CARHSP1: variants seen among roughly 807,000 people sequenced by gnomAD.
CARHSP1 encodes the protein calcium regulated heat stable protein 1.
Under a neutral mutation model 12.5 loss-of-function variants are expected in CARHSP1, and 14 were observed. The ratio of observed to expected loss-of-function variants is 1.12; its 90% CI spans 0.74 to 1.75. The LOEUF (loss-of-function observed/expected upper bound fraction) is 1.75, where lower values mean the gene tolerates loss of function less well. Ranked by LOEUF, CARHSP1 falls within the 40% of genes most tolerant of loss-of-function variation. The pLI is 0.00. For synonymous variants in CARHSP1, 161 were observed against 82.0 expected (o/e 1.96, Z -5.20); for missense variants, 343 against 201.6 (o/e 1.70, Z -4.25).
chr16:8,862,966 C>A (rs2061392544), intron 1 of CARHSP1, among the ~76,000 whole-genome samples: 1 of 152,110 alleles, frequency 6.6e-6, no homozygotes. Context: ...TGCACCCAAT[C>A]CTTCAGAGAT....
At chr16:8,865,094 AT>A (rs1449876203) in intron 1 of CARHSP1, among the ~76,000 whole-genome samples, 1 of 152,176 alleles carries the variant, frequency 6.6e-6, no homozygotes, top group Non-Finnish European at 1.5e-5. Flanking sequence ...GAGGGAGCTC[AT>A]TGAAGGAGAC....
intron 1 of CARHSP1, chr16:8,859,882 C>CATGAGAATT (rs2061293104): frequency 6.5e-6 from 1 of 152,688 alleles, no homozygotes; most frequent in Non-Finnish European, 1.5e-5. Flanking sequence ...AAGGCTGAGG[C>CATGAGAATT]ATGAGAATTG....
rs1201187044 is a variant in CARHSP1 at position 8,857,287 on chromosome 16, T to G, written c.281+1063A>C. Among the ~76,000 whole-genome samples, 73 of 123,984 alleles carry G rather than the reference T, an allele frequency of 5.9e-4. 5 individuals are homozygous for G. The highest frequency in any genetic ancestry group is 1.9e-3 in the African/African-American group (58 of 29,984). 81.3% of individuals were successfully genotyped at this position (123,984 alleles called of 152,430 possible). On this transcript the variant is annotated intron_variant, in intron 3 of 3. Coordinates refer to ENST00000311052, the MANE Select transcript of CARHSP1 (RefSeq NM_014316.4). The stretch of plus-strand genomic sequence containing the variant: ...TGTTTTTTTTTTTTTTTTTTTTTTT[T>G]TTTTTTTTTTTTGAGATGGAGTTTT...
At chr16:8,858,592 C>G in intron 2 of CARHSP1, 120 bp from the exon 3 acceptor site, 1 of 1,261,404 alleles carries the variant, frequency 7.9e-7, no homozygotes, top group Non-Finnish European at 1.1e-6. Context: ...CATGTACAGT[C>G]ACACAGGCTG....
intron 1 of CARHSP1, among the ~76,000 whole-genome samples, chr16:8,865,675 G>A (rs1596329777): frequency 1.3e-5 from 2 of 152,170 alleles, no homozygotes; most frequent in South Asian, 2.1e-4. Flanking sequence ...TATGGGGATG[G>A]GGCAGGCTGT....
intron 1 of CARHSP1, chr16:8,861,773 C>A (rs375441006): frequency 7.8e-7 from 1 of 1,275,394 alleles, no homozygotes; most frequent in Non-Finnish European, 1.0e-6. Context: ...CCAGGGCCCC[C>A]GCATGACCTA....
intron 3 of CARHSP1, among the ~76,000 whole-genome samples, chr16:8,856,323 G>A (rs1259872801): frequency 1.3e-5 from 2 of 152,160 alleles, no homozygotes; most frequent in Non-Finnish European, 2.9e-5. Flanking sequence ...AGCTCCCCTA[G>A]TAACTGGTTT....
chr16:8,857,269 T>TGG (rs756868301), intron 3 of CARHSP1, among the ~76,000 whole-genome samples: 1 of 29,954 alleles, frequency 3.3e-5, no homozygotes, highest in Non-Finnish European at 6.3e-5. Context: ...ATCTGTTTTT[T>TGG]TTTTTTTTTT....
intron 1 of CARHSP1, chr16:8,860,530 C>T: frequency 1.0e-6 from 1 of 985,390 alleles, no homozygotes; most frequent in African/African-American, 1.7e-5. Context: ...CAGTCAGAGG[C>T]CCTTGGGTAA....
At position 8,863,305 on chromosome 16, in the gene CARHSP1, G is replaced by A. The variant is rs1404400874; in HGVS notation, c.-7-3970C>T. 3.7e-5 allele frequency among the ~76,000 whole-genome samples: 5 copies of A among 133,606 alleles called. No individual in the cohort carries two copies. The East Asian group carries it at 6.4e-4, about 17-fold the overall frequency. The allele number at this position is 133,606 out of a possible 152,430, so 87.7% of individuals were successfully genotyped here. A position where few individuals can be genotyped will look rare whatever the true frequency, so the allele number is the denominator to read the frequency against. ...CCAGCTCATTTTTTGTAGAGACAGG[G>A]TTTCAATATGTTGCCCAGGCTGGTC... On this transcript the variant is annotated intron_variant, in intron 1 of 3. Transcript: ENST00000311052.
chr16:8,866,491 G>T (rs932605439), intron 1 of CARHSP1: 4 of 985,190 alleles, frequency 4.1e-6, no homozygotes, highest in South Asian at 4.7e-5. Context: ...AGTCTCCAGC[G>T]CAGCTGAGCC....
At chr16:8,859,053 G>T in intron 2 of CARHSP1, 118 bp downstream of exon 2, 1 of 952,684 alleles carries the variant, frequency 1.0e-6, no homozygotes, top group Non-Finnish European at 1.5e-6. Flanking sequence ...CCCAGCCCCA[G>T]GTCTGCCTAT....
chr16:8,859,587 C>T (rs1356920807), intron 1 of CARHSP1, among the ~76,000 whole-genome samples: 1 of 151,906 alleles, frequency 6.6e-6, no homozygotes, highest in Non-Finnish European at 1.5e-5. Context: ...ACCAGGATGG[C>T]ATCGGTCCCC....
chr16:8,860,418 C>G (rs987194137), intron 1 of CARHSP1: 5 of 985,456 alleles, frequency 5.1e-6, no homozygotes, highest in Non-Finnish European at 6.0e-6. Flanking sequence ...TTTTCAAGAG[C>G]AGGACACTCG....
intron 3 of CARHSP1, among the ~76,000 whole-genome samples, chr16:8,857,269 T>TGTTTTTG (rs756868301): frequency 6.7e-5 from 2 of 29,954 alleles, no homozygotes; most frequent in Non-Finnish European, 1.3e-4. Flanking sequence ...ATCTGTTTTT[T>TGTTTTTG]TTTTTTTTTT....
Position 8,856,040 on chromosome 16 carries a change from C to G in CARHSP1, c.282-714G>C, listed in dbSNP as rs12918735. 8.4e-3 allele frequency among the ~76,000 whole-genome samples: 1,281 copies of G among 152,284 alleles called. 16 individuals are homozygous for G. The highest frequency in any genetic ancestry group is 9.1e-3 in the Non-Finnish European group (616 of 68,020). On this transcript the variant is annotated intron_variant, in intron 3 of 3. Coordinates refer to ENST00000311052, the MANE Select transcript of CARHSP1 (RefSeq NM_014316.4). ...GCCAGGCTGGTCTCAAACTCCTGAC[C>G]TTAAGTGAGCCACCTGCCTCAGCCT...
chr16:8,857,681 C>G (rs1281822641), intron 3 of CARHSP1: 1 of 150,206 alleles, frequency 6.7e-6, no homozygotes, highest in African/African-American at 2.5e-5. Context: ...CCTCTACCTC[C>G]TGGATTCAAG....
chr16:8,859,190 G>C lies in CARHSP1; in HGVS notation c.139C>G (p.Arg47Gly). 1 of 1,601,536 alleles carries C rather than the reference G, an allele frequency of 6.2e-7. No individual in the cohort carries two copies. The highest frequency in any genetic ancestry group is 8.5e-7 in the Non-Finnish European group (1 of 1,174,026). The change falls in exon 2 of 4, where the codon CGG (arginine) becomes GGG (glycine). Residue 47 changes from arginine to glycine, a missense_variant. Physicochemically the swap from Arg to Gly is moderately radical, Grantham distance 125. Transcript: ENST00000311052. ...NVVPSPLPTR[R>G]TRTFSATVRA... ...ACTCACGCCGAGAAGGTCCTCGTCC[G>C]GCGAGTGGGCAGTGGGCTTGGGACC... is the stretch of plus-strand genomic sequence containing the variant.
intron 3 of CARHSP1, among the ~76,000 whole-genome samples, chr16:8,856,668 C>G (rs1382049038): frequency 6.6e-6 from 1 of 152,136 alleles, no homozygotes; most frequent in Admixed American, 6.5e-5. Context: ...GCAGTGGGCT[C>G]CTCTTTTCAG....
Sources: gnomAD v4.1 joint callset for allele counts (sites outside exome capture counted in the v4.1 genomes callset) on GRCh38, gnomAD v4.1.1 for gene constraint, MANE v1.5 for transcripts, NCBI Gene and HGNC (gene_info 2026-07-23, HGNC 2026-07-21) for gene names.